Variants in RSL24D1 observed in about 807,000 individuals in gnomAD.
The protein encoded by RSL24D1 is ribosomal L24 domain containing 1.
A neutral mutation model predicts 26.2 loss-of-function variants in RSL24D1; 6 were observed. The ratio of observed to expected loss-of-function variants is 0.23; its 90% confidence interval spans 0.13 to 0.45. RSL24D1 has a LOEUF of 0.45. RSL24D1 is among the 20% of genes least tolerant of loss of function. The pLI is 0.99. For missense variants in RSL24D1, 176 were observed against 202.6 expected (o/e 0.87, Z 0.80); for synonymous variants, 61 against 59.1 (o/e 1.03, Z -0.15).
chr15:55,186,789 G>GT (rs768295469), intron 3 of RSL24D1, among the ~76,000 whole-genome samples: 1 of 136,546 alleles, frequency 7.3e-6, no homozygotes, highest in Non-Finnish European at 1.5e-5. Context: ...AATAATTGCA[G>GT]TGTGGTTATG....
At chr15:55,196,243 C>A in intron 1 of RSL24D1, 1 of 437,286 alleles carries the variant, frequency 2.3e-6, no homozygotes, top group Non-Finnish European at 4.6e-6. Flanking sequence ...AAAATGTTCA[C>A]TTTCCTTCCA....
At chr15:55,185,055 T>C (rs1053711191) in intron 4 of RSL24D1, among the ~76,000 whole-genome samples, 3 of 152,186 alleles carry the variant, frequency 2.0e-5, no homozygotes, top group African/African-American at 7.2e-5. Context: ...TAGTATTACA[T>C]CAATGTTAAT....
In RSL24D1 at chr15:55,193,227, T is replaced by C. The variant is rs112556026; in HGVS notation, c.82-394A>G. On this transcript the variant is annotated intron_variant, in intron 1 of 5. Transcript: ENST00000260443. ...CTGAAATCTCCTTTGGGTCTTTCCA[T>C]CTTCCTTGTTGAAAGCACAAAATAA... 1.6e-3 allele frequency among the ~76,000 whole-genome samples: 249 copies of C among 152,334 alleles called. 2 individuals carry two copies. Among genetic ancestry groups the C allele is most frequent in the African/African-American group, 5.9e-3 (244 of 41,578 alleles).
At chr15:55,191,182 G>C (rs1453981983) in intron 2 of RSL24D1, 135 bp from the exon 3 acceptor site, 1 of 614,108 alleles carries the variant, frequency 1.6e-6, no homozygotes. Context: ...GTATCTCAGA[G>C]AATATAGGTT....
chr15:55,185,281 A>T (rs1425326657), intron 4 of RSL24D1, 81 bp downstream of exon 4: 7 of 1,109,566 alleles, frequency 6.3e-6, no homozygotes, highest in African/African-American at 1.7e-5. Context: ...CAAAATAAAA[A>T]ATTTTTTTAA....
In RSL24D1 at chr15:55,191,046, T is replaced by A. The variant is rs759167715; in HGVS notation, c.197A>T (p.Asp66Val). 1 of 1,597,834 alleles carries A rather than the reference T, an allele frequency of 6.3e-7. No individual in the cohort carries two copies. Among genetic ancestry groups the A allele is most frequent in the Non-Finnish European group, 8.5e-7 (1 of 1,170,266 alleles). ...ACGTTTTTCAAATTCAAATGAATTA[T>A]CCTGTAAGAGGGAACAGAGGAGATA... ...RKAAGKELTV[D>V]NSFEFEKRRN... The change falls in exon 3 of 6, where the codon GAT becomes GTT. Residue 66 changes from aspartate to valine, a missense_variant and splice_region_variant. By Grantham distance (152) the Asp-to-Val change is radical. This residue lies in a region of RSL24D1 where 89 missense variants were observed against 135.1 expected (regional missense o/e 0.66). Coordinates refer to ENST00000260443, the MANE Select transcript of RSL24D1 (RefSeq NM_016304.3).
rs1894170394 is a variant in RSL24D1 at position 55,181,859 on chromosome 15, C to CTAA, written c.*292_*293insTTA. On this transcript the variant is annotated 3_prime_UTR_variant, in exon 6 of 6. Transcript: ENST00000260443. ...TTTGCCATTAGTTACTATACAAATG[C>CTAA]TGCCTAGTGCCATTATCCAAATAGC... is the stretch of plus-strand genomic sequence containing the variant. 3.7e-6 allele frequency: 1 copy of CTAA among 268,670 alleles called. No individual in the cohort carries two copies. The highest frequency in any genetic ancestry group is 2.2e-5 in the African/African-American group (1 of 45,462). The allele number at this position is 268,670 out of a possible 1,614,324, so 16.6% of individuals were successfully genotyped here.
At position 55,181,665 on chromosome 15, in the gene RSL24D1, T is replaced by C; in HGVS notation, c.*487A>G. 6.4e-6 allele frequency: 1 copy of C among 155,368 alleles called. No homozygotes were observed. Among genetic ancestry groups the C allele is most frequent in the Non-Finnish European group, 1.4e-5 (1 of 69,948 alleles). The allele number at this position is 155,368 out of a possible 1,614,324, so 9.6% of individuals were successfully genotyped here. ...TAGGCTTCATCAAACAATGTCATTA[T>C]GCTCTTCTAAGATGCAAATAAACCA... is the stretch of plus-strand genomic sequence containing the variant. On this transcript the variant is annotated 3_prime_UTR_variant, in exon 6 of 6. Transcript: ENST00000260443.
At chr15:55,191,982 A>T (rs1894302886) in intron 2 of RSL24D1, among the ~76,000 whole-genome samples, 1 of 152,208 alleles carries the variant, frequency 6.6e-6, no homozygotes, top group Non-Finnish European at 1.5e-5. Flanking sequence ...CTGGTCAAAC[A>T]ATAGTCTTTA....
intron 1 of RSL24D1, chr15:55,194,359 A>C (rs575382926): frequency 9.9e-5 from 15 of 152,234 alleles, no homozygotes; most frequent in Admixed American, 6.5e-5. Context: ...TCAAGATCTG[A>C]CTAGGATATA....
chr15:55,189,516 A>G (rs1595652708), intron 3 of RSL24D1, among the ~76,000 whole-genome samples: 2 of 152,352 alleles, frequency 1.3e-5, no homozygotes, highest in South Asian at 4.1e-4. Context: ...ACATGGTCCT[A>G]GGTAAACAAA....
At chr15:55,192,666 A>T in intron 2 of RSL24D1, 54 bp downstream of exon 2, 2 of 1,286,610 alleles carry the variant, frequency 1.6e-6, no homozygotes, top group South Asian at 2.4e-5. Flanking sequence ...ATACCCTTCA[A>T]ATACTAAAAC....
intron 1 of RSL24D1, 63 bp downstream of exon 1, chr15:55,196,747 A>G: frequency 2.0e-6 from 3 of 1,538,396 alleles, no homozygotes; most frequent in Non-Finnish European, 2.7e-6. Flanking sequence ...CCCAGCACCG[A>G]GCCGCCGCGC....
intron 2 of RSL24D1, among the ~76,000 whole-genome samples, chr15:55,191,799 A>G (rs535341230): frequency 1.5e-4 from 23 of 152,360 alleles, no homozygotes; most frequent in African/African-American, 5.5e-4. Flanking sequence ...TTATATATAC[A>G]CAGCTTTATT....
chr15:55,189,108 G>A (rs904155325), intron 3 of RSL24D1, among the ~76,000 whole-genome samples: 2 of 150,222 alleles, frequency 1.3e-5, no homozygotes, highest in Admixed American at 1.3e-4. Context: ...CAGGAAAATT[G>A]CTTGAACCCG....
chr15:55,196,085 A>C (rs1566888108), intron 1 of RSL24D1, among the ~76,000 whole-genome samples: 1 of 152,218 alleles, frequency 6.6e-6, no homozygotes, highest in Non-Finnish European at 1.5e-5. Flanking sequence ...TGTACCATTC[A>C]AAACGTCTTT....
chr15:55,196,315 A>C (rs1566888158), intron 1 of RSL24D1: 3 of 456,504 alleles, frequency 6.6e-6, no homozygotes, highest in South Asian at 4.6e-5. Context: ...TATCACCTCT[A>C]TGCTGAGTCT....
chr15:55,190,193 A>G (rs929078063), intron 3 of RSL24D1, among the ~76,000 whole-genome samples: 6 of 144,542 alleles, frequency 4.2e-5, no homozygotes, highest in African/African-American at 1.6e-4. Flanking sequence ...GATTGCAGTG[A>G]GCCGAGATCG....
chr15:55,189,244 T>C (rs1199135390), intron 3 of RSL24D1, among the ~76,000 whole-genome samples: 1 of 151,828 alleles, frequency 6.6e-6, no homozygotes, highest in African/African-American at 2.4e-5. Context: ...AATAATGTCC[T>C]TGATAAGAGT....
Sources: gnomAD v4.1 joint callset for allele counts (sites outside exome capture counted in the v4.1 genomes callset) on GRCh38, gnomAD v4.1.1 for gene constraint, gnomAD v4.1.1 regional missense constraint, MANE v1.5 for transcripts, NCBI Gene and HGNC (gene_info 2026-07-23, HGNC 2026-07-21) for gene names.